ATAD2B: variants seen among roughly 807,000 people sequenced by gnomAD.
ATAD2B encodes the protein ATPase family AAA domain containing 2B, also known as ATPase family AAA domain-containing protein 2B.
In ATAD2B, 40 loss-of-function variants were observed where a neutral mutation model predicts 167.6. That is an observed-to-expected ratio of 0.24 (90% confidence interval 0.19 to 0.31). The LOEUF is 0.31. ATAD2B is among the 10% of genes least tolerant of loss of function. The probability of loss-of-function intolerance (pLI) is 1.00; values close to 1 mark genes in which losing one functional copy is unlikely to be tolerated. For missense variants in ATAD2B, 1,242 were observed against 1,757.2 expected, an observed-to-expected ratio of 0.71 and a Z score of 5.24; for synonymous variants, 579 against 596.5, an observed-to-expected ratio of 0.97 and a Z score of 0.43.
intron 13 of ATAD2B, among the ~76,000 whole-genome samples, chr2:23,837,005 C>G (rs567444760): frequency 1.3e-5 from 2 of 152,158 alleles, no homozygotes; most frequent in Admixed American, 6.5e-5. Context: ...CGGACCCACC[C>G]CCTTCTGCCC....
the ATAD2B span, among the ~76,000 whole-genome samples, chr2:23,721,372 C>T: frequency 3.3e-5 from 5 of 152,352 alleles, no homozygotes; most frequent in Admixed American, 6.5e-5. Context: ...TGCCCATACC[C>T]GGGACTGAAA....
At chr2:23,693,310 A>G in the ATAD2B span, 3 of 1,549,084 alleles carry the variant, frequency 1.9e-6, no homozygotes, top group Non-Finnish European at 2.6e-6. Context: ...CGTGCTGGCC[A>G]TGGCCGAGGC....
At chr2:23,897,370 T>C (rs1190934867) in intron 1 of ATAD2B, among the ~76,000 whole-genome samples, 1 of 152,208 alleles carries the variant, frequency 6.6e-6, no homozygotes, top group African/African-American at 2.4e-5. Context: ...GATGTATACA[T>C]TATGGGGGAT....
intron 14 of ATAD2B, 108 bp downstream of exon 14, chr2:23,833,811 A>T: frequency 1.1e-6 from 1 of 887,456 alleles, no homozygotes; most frequent in Non-Finnish European, 1.7e-6. Flanking sequence ...AGATATCCTT[A>T]AGCAGAAAAT....
At chr2:23,740,988 C>T in the ATAD2B span, among the ~76,000 whole-genome samples, 1 of 152,146 alleles carries the variant, frequency 6.6e-6, no homozygotes, top group Non-Finnish European at 1.5e-5. Context: ...AGGAATCCAA[C>T]TTACAAGGGA....
At chr2:23,721,345 C>A in the ATAD2B span, among the ~76,000 whole-genome samples, 1 of 152,214 alleles carries the variant, frequency 6.6e-6, no homozygotes, top group Non-Finnish European at 1.5e-5. Context: ...TGGCCCCAGG[C>A]CAGCTGATCA....
chr2:23,699,727 A>G, the ATAD2B span, among the ~76,000 whole-genome samples: 1 of 152,090 alleles, frequency 6.6e-6, no homozygotes, highest in East Asian at 1.9e-4. Flanking sequence ...CTGATGGAGG[A>G]AATCCCACCC....
intron 12 of ATAD2B, among the ~76,000 whole-genome samples, chr2:23,862,650 CATG>C: frequency 6.6e-6 from 1 of 152,248 alleles, no homozygotes; most frequent in East Asian, 1.9e-4. Flanking sequence ...ACATAGTCCA[CATG>C]ATATTTATTC....
chr2:23,705,648 T>C, the ATAD2B span, among the ~76,000 whole-genome samples: 3 of 152,104 alleles, frequency 2.0e-5, no homozygotes, highest in African/African-American at 7.2e-5. Flanking sequence ...CAGGGTCTGG[T>C]AAGAAGTCCA....
At chr2:23,869,885 C>T (rs1695666018) in intron 8 of ATAD2B, 124 bp from the exon 9 acceptor site, 2 of 662,338 alleles carry the variant, frequency 3.0e-6, no homozygotes, top group South Asian at 4.2e-5. Flanking sequence ...AGATTTTTTA[C>T]CCTCATACAA....
intron 2 of ATAD2B, among the ~76,000 whole-genome samples, chr2:23,892,644 A>G (rs1053228262): frequency 2.0e-5 from 3 of 150,456 alleles, no homozygotes; most frequent in African/African-American, 7.3e-5. Context: ...TAATTTTTGT[A>G]TTTTTAGTAG....
In ATAD2B at chr2:23,781,987, T is replaced by C. The variant is rs1489487472; in HGVS notation, c.3133+882A>G. Among the ~76,000 whole-genome samples the C allele has an allele frequency of 8.5e-5, 13 of 152,226 alleles. No homozygotes were observed. The East Asian group carries it at 2.5e-3, about 29-fold the overall frequency. On this transcript the variant is annotated intron_variant, in intron 22 of 27. Transcript: ENST00000238789. ...AACCACCACACACAGCTAATTTTTG[T>C]AATTTTTTTGTAGAGGCGAGGTTTT...
intron 18 of ATAD2B, among the ~76,000 whole-genome samples, chr2:23,800,957 A>G (rs1036400773): frequency 6.6e-6 from 1 of 152,134 alleles, no homozygotes; most frequent in African/African-American, 2.4e-5. Flanking sequence ...ACCTAACTAC[A>G]TGAAATACCA....
chr2:23,810,027 G>C (rs1685301929), intron 18 of ATAD2B, among the ~76,000 whole-genome samples: 1 of 152,116 alleles, frequency 6.6e-6, no homozygotes, highest in Non-Finnish European at 1.5e-5. Flanking sequence ...ACTTTGAACA[G>C]AGGGTCAGAA....
intron 22 of ATAD2B, among the ~76,000 whole-genome samples, chr2:23,774,832 G>A (rs529427326): frequency 5.1e-4 from 77 of 152,302 alleles, no homozygotes; most frequent in South Asian, 6.2e-4. Context: ...CCCGGGAGGC[G>A]GGGATTGCAG....
In ATAD2B at chr2:23,865,135, T is replaced by C. The variant is rs57427500; in HGVS notation, c.1189-211A>G. On this transcript the variant is annotated intron_variant, in intron 10 of 27. Transcript: ENST00000238789. The stretch of plus-strand genomic sequence containing the variant: ...CAAATTAAGCTACCATTATTTAATC[T>C]AGTAACTCAGAACCAGGATTAATCC... Among the ~76,000 whole-genome samples the C allele has an allele frequency of 1.2e-3, 180 of 152,294 alleles. 2 individuals carry two copies. The East Asian group carries it at 0.026, about 22-fold the overall frequency.
chr2:23,866,128 T>C (rs1695088288), intron 10 of ATAD2B: 1 of 166,580 alleles, frequency 6.0e-6, no homozygotes, highest in Non-Finnish European at 1.2e-5. Context: ...ATAAGTGGCC[T>C]GGCACGGTGG....
At chr2:23,858,507 C>CT in intron 12 of ATAD2B, among the ~76,000 whole-genome samples, 1 of 44,560 alleles carries the variant, frequency 2.2e-5, no homozygotes, top group Non-Finnish European at 5.2e-5. Context: ...TTTTTTTTTT[C>CT]TTCAGACAGG....
chr2:23,878,468 C>T (rs1697372558), intron 7 of ATAD2B, among the ~76,000 whole-genome samples: 1 of 151,384 alleles, frequency 6.6e-6, no homozygotes, highest in Non-Finnish European at 1.5e-5. Flanking sequence ...ACCATCCTGG[C>T]TAACACGAAG....
Sources: allele counts gnomAD v4.1 joint callset (sites outside exome capture counted in the v4.1 genomes callset), GRCh38; gene constraint gnomAD v4.1.1; transcripts MANE v1.5; gene names NCBI Gene and HGNC (gene_info 2026-07-23, HGNC 2026-07-21).